The following DNASE1 variants were observed in gnomAD, a reference collection of about 807,000 sequenced individuals.
DNASE1 encodes the protein deoxyribonuclease-1.
In DNASE1, 40 loss-of-function variants were observed where a neutral mutation model predicts 33.9. That is an observed-to-expected ratio of 1.18 (90% CI 0.92 to 1.54). The LOEUF (loss-of-function observed/expected upper bound fraction) is 1.54, where lower values mean the gene tolerates loss of function less well. DNASE1 is among the 40% of genes most tolerant of loss of function. DNASE1 has a pLI of 0.00. For missense variants in DNASE1, 518 were observed against 372.6 expected (o/e 1.39, Z -3.21); for synonymous variants, 216 against 160.0 (o/e 1.35, Z -2.64).
At chr16:3,616,894 G>A (rs1393136360) in intron 1 of DNASE1, among the ~76,000 whole-genome samples, 1 of 152,166 alleles carries the variant, frequency 6.6e-6, no homozygotes, top group Non-Finnish European at 1.5e-5. Context: ...AGTCAATGGT[G>A]AAAGAGTAGT....
At chr16:3,620,699 A>G (rs960154492) in intron 1 of DNASE1, among the ~76,000 whole-genome samples, 15 of 151,934 alleles carry the variant, frequency 9.9e-5, no homozygotes, top group African/African-American at 3.4e-4. Flanking sequence ...TATAACCTGT[A>G]TGTGTGTGTT....
chr16:3,664,462 A>G, exon 10 of DNASE1: 1 of 1,607,962 alleles, frequency 6.2e-7, no homozygotes, highest in Non-Finnish European at 8.5e-7. Flanking sequence ...ATGTCCTCCT[A>G]GAAGGGACGG....
At chr16:3,657,528 GA>G (rs1337991877) in intron 7 of DNASE1, among the ~76,000 whole-genome samples, 187 bp downstream of exon 7, 1 of 152,164 alleles carries the variant, frequency 6.6e-6, no homozygotes, top group South Asian at 2.1e-4. Flanking sequence ...CACATCTGGG[GA>G]TAAGAGGAGA....
At chr16:3,630,217 G>A (rs1432386951) in intron 1 of DNASE1, among the ~76,000 whole-genome samples, 1 of 151,940 alleles carries the variant, frequency 6.6e-6, no homozygotes, top group Non-Finnish European at 1.5e-5. Context: ...GTCTCACTTT[G>A]TTACCCAGAC....
chr16:3,628,431 G>A (rs1325944689), intron 1 of DNASE1, among the ~76,000 whole-genome samples: 1 of 151,820 alleles, frequency 6.6e-6, no homozygotes, highest in African/African-American at 2.4e-5. Flanking sequence ...TTTCTTAATT[G>A]CTATGGCTAG....
downstream of DNASE1, chr16:3,659,749 T>TTTAAA (rs1272532360): frequency 2.1e-5 from 3 of 140,358 alleles, no homozygotes; most frequent in Admixed American, 2.2e-4. Context: ...ACTTTTTTTT[T>TTTAAA]TAGATAGATA....
Position 3,656,984 on chromosome 16 carries a change from TGGCTGTCTCCACAGA to T in DNASE1, c.437-12_439del. 6.2e-7 allele frequency: 1 copy of T among 1,612,614 alleles called. No homozygotes were observed. Among genetic ancestry groups the T allele is most frequent in the Non-Finnish European group, 8.5e-7 (1 of 1,179,556 alleles). On this transcript the variant is annotated splice_acceptor_variant and splice_polypyrimidine_tract_variant and coding_sequence_variant and intron_variant, in exon 6 of 9. Transcript: ENST00000246949. LOFTEE classifies it high-confidence loss of function. ...CCCAGGGAGTGTGCCTCACACGACG[TGGCTGTCTCCACAGA>T]GGTCAGGGAGTTTGCCATTGTTCCC...
At chr16:3,652,370 C>G (rs1228124982), upstream of DNASE1, 3 of 152,350 alleles carry the variant, frequency 2.0e-5, no homozygotes, top group Non-Finnish European at 4.4e-5. Flanking sequence ...GCTTTACTCC[C>G]TTCCCCGTGA....
intron 1 of DNASE1, among the ~76,000 whole-genome samples, chr16:3,620,437 G>T (rs1204453650): frequency 6.7e-6 from 1 of 150,092 alleles, no homozygotes; most frequent in African/African-American, 2.4e-5. Flanking sequence ...CCTGATCATA[G>T]CTCACTGTAA....
chr16:3,629,567 A>G (rs2041632166), intron 1 of DNASE1, among the ~76,000 whole-genome samples: 1 of 152,128 alleles, frequency 6.6e-6, no homozygotes, highest in Non-Finnish European at 1.5e-5. Context: ...CCTGGTTCTG[A>G]TATGAGGGTA....
chr16:3,618,503 GCGGATTAC>G (rs1294583968), intron 1 of DNASE1, among the ~76,000 whole-genome samples: 2 of 152,224 alleles, frequency 1.3e-5, no homozygotes, highest in Admixed American at 6.5e-5. Flanking sequence ...GCCAAGGCGG[GCGGATTAC>G]CTCTGGTCAG....
rs1346910566 is a variant in DNASE1, at chr16:3,656,232, C to A, written c.320+47C>A. ...GAAGCCCCTCCCTCACCTGGGAGGGCCCCAACAGAGCAGGGAAGTAGTTTG... is the reference window on the plus strand; with the variant it reads ...GAAGCCCCTCCCTCACCTGGGAGGGACCCAACAGAGCAGGGAAGTAGTTTG... On this transcript the variant is annotated intron_variant, in intron 4 of 8. Transcript: ENST00000246949. The A allele has an allele frequency of 7.1e-6, 11 of 1,549,934 alleles. No homozygotes were observed. In the East Asian group the frequency reaches 2.5e-4, roughly 35 times the overall value.
At chr16:3,633,565 G>T (rs1036387815) in intron 1 of DNASE1, among the ~76,000 whole-genome samples, 1 of 150,740 alleles carries the variant, frequency 6.6e-6, no homozygotes, top group Non-Finnish European at 1.5e-5. Flanking sequence ...CCGAGATGGC[G>T]CCATTGCACT....
chr16:3,614,882 A>G (rs2041044773), intron 1 of DNASE1, among the ~76,000 whole-genome samples: 1 of 152,244 alleles, frequency 6.6e-6, no homozygotes, highest in Admixed American at 6.5e-5. Flanking sequence ...CTGAAAATGA[A>G]GTGCCTGTTT....
intron 7 of DNASE1, 126 bp downstream of exon 7, chr16:3,657,467 T>A: frequency 7.4e-7 from 1 of 1,357,420 alleles, no homozygotes; most frequent in Non-Finnish European, 1.0e-6. Flanking sequence ...GTTGATCCAC[T>A]ACAGGGAACA....
chr16:3,659,780 G>A (rs1227451771), downstream of DNASE1: 1 of 146,550 alleles, frequency 6.8e-6, no homozygotes, highest in Non-Finnish European at 1.5e-5. Context: ...TAGATAGATA[G>A]ACTCTCACTC....
intron 1 of DNASE1, among the ~76,000 whole-genome samples, chr16:3,637,589 T>C (rs2041907117): frequency 6.6e-6 from 1 of 152,230 alleles, no homozygotes; most frequent in South Asian, 2.1e-4. Context: ...TCCCTTAGGC[T>C]GATGAGGATC....
chr16:3,633,076 G>C (rs905968085), intron 1 of DNASE1, among the ~76,000 whole-genome samples: 1 of 152,042 alleles, frequency 6.6e-6, no homozygotes, highest in African/African-American at 2.4e-5. Flanking sequence ...AATATATTCT[G>C]ACATTCTCTA....
At chr16:3,664,577 A>T (rs920382798) in exon 10 of DNASE1, 1 of 1,124,338 alleles carries the variant, frequency 8.9e-7, no homozygotes, top group South Asian at 1.5e-5. Flanking sequence ...GCTGGCCCTG[A>T]CCCGAGGGAC....
Sources: gnomAD v4.1 joint callset for allele counts (sites outside exome capture counted in the v4.1 genomes callset) on GRCh38, gnomAD v4.1.1 for gene constraint, MANE v1.5 for transcripts, NCBI Gene and HGNC (gene_info 2026-07-23, HGNC 2026-07-21) for gene names.